RARB: variants seen among roughly 807,000 people sequenced by gnomAD.
RARB encodes HBV-activated protein.
In RARB, 17 loss-of-function variants were observed where a neutral mutation model predicts 51.9. The ratio of observed to expected loss-of-function variants is 0.33; its 90% CI spans 0.22 to 0.49. RARB has a LOEUF of 0.49. Ranked by LOEUF, RARB falls within the 20% of genes least tolerant of loss-of-function variation. The probability of loss-of-function intolerance (pLI) is 0.99; values close to 1 mark genes in which losing one functional copy is unlikely to be tolerated. For missense variants in RARB, 369 were observed against 550.8 expected, an observed-to-expected ratio of 0.67 and a Z score of 3.30; for synonymous variants, 215 against 195.4, an observed-to-expected ratio of 1.10 and a Z score of -0.84.
chr3:25,090,143 G>A (rs549486283), intron 3 of RARB, among the ~76,000 whole-genome samples: 1 of 152,296 alleles, frequency 6.6e-6, no homozygotes, highest in South Asian at 2.1e-4. Context: ...TTTCCTTGAA[G>A]GAGGTGAGAG....
chr3:25,454,484 C>A (rs1248245251), intron 1 of RARB, among the ~76,000 whole-genome samples: 1 of 152,204 alleles, frequency 6.6e-6, no homozygotes, highest in Admixed American at 6.5e-5. Context: ...CAGGAAATGT[C>A]TTTTGCTTTA....
chr3:25,269,966 C>T (rs551786237), intron 5 of RARB, among the ~76,000 whole-genome samples: 18 of 152,144 alleles, frequency 1.2e-4, no homozygotes, highest in Admixed American at 4.6e-4. Flanking sequence ...GATACCACCG[C>T]GTACCATTTA....
chr3:25,460,112 C>G (rs2125553860), intron 1 of RARB, among the ~76,000 whole-genome samples: 1 of 152,284 alleles, frequency 6.6e-6, no homozygotes, highest in South Asian at 2.1e-4. Flanking sequence ...AATCGCACCA[C>G]TCTGTGTCAT....
chr3:25,505,054 C>A (rs2125611752), intron 3 of RARB, among the ~76,000 whole-genome samples: 1 of 152,280 alleles, frequency 6.6e-6, no homozygotes, highest in East Asian at 1.9e-4. Flanking sequence ...GCTGGGATTA[C>A]AGGCGTGAGC....
chr3:25,428,970 T>G lies in RARB; in HGVS notation c.157+82T>G. 2.1e-6 allele frequency: 3 copies of G among 1,434,484 alleles called. No homozygotes were observed. The South Asian group carries it at 4.2e-5, about 20-fold the overall frequency. The allele number at this position is 1,434,484 out of a possible 1,614,324, so 88.9% of individuals were successfully genotyped here. A position where few individuals can be genotyped will look rare whatever the true frequency, so the allele number is the denominator to read the frequency against. ...TGCAATAAAGACGTTGGAAATAAAC[T>G]GCATTGGTAGCAAGACAAAGGATTT... On this transcript the variant is annotated intron_variant, in intron 1 of 7. Coordinates refer to ENST00000330688, the MANE Select transcript of RARB (RefSeq NM_000965.5).
At chr3:25,495,692 A>C (rs992184257) in intron 2 of RARB, among the ~76,000 whole-genome samples, 3 of 152,248 alleles carry the variant, frequency 2.0e-5, no homozygotes, top group African/African-American at 4.8e-5. Flanking sequence ...CCACGGTTAG[A>C]AAATGCTTGA....
chr3:25,138,608 A>G (rs1700066704), intron 4 of RARB, among the ~76,000 whole-genome samples: 1 of 152,124 alleles, frequency 6.6e-6, no homozygotes, highest in South Asian at 2.1e-4. Context: ...GGAAAAGAAA[A>G]TCAAGGTGGA....
intron 3 of RARB, among the ~76,000 whole-genome samples, chr3:25,110,614 T>A (rs1309856043): frequency 6.6e-6 from 1 of 152,214 alleles, no homozygotes; most frequent in Non-Finnish European, 1.5e-5. Flanking sequence ...TTTAGTTTAG[T>A]CCTGTAGCTA....
intron 5 of RARB, among the ~76,000 whole-genome samples, chr3:25,180,292 G>A (rs531805349): frequency 6.6e-5 from 10 of 152,138 alleles, no homozygotes; most frequent in Non-Finnish European, 8.8e-5. Flanking sequence ...AATTCCTTTC[G>A]ATAAAGACAT....
At chr3:25,401,230 G>A (rs1370772171) in intron 5 of RARB, among the ~76,000 whole-genome samples, 3 of 152,170 alleles carry the variant, frequency 2.0e-5, no homozygotes, top group Non-Finnish European at 4.4e-5. Context: ...GACCTGGGCT[G>A]AGAAAGACGA....
At chr3:24,834,427 A>G (rs768914852) in intron 1 of RARB, among the ~76,000 whole-genome samples, 23 of 152,238 alleles carry the variant, frequency 1.5e-4, no homozygotes, top group African/African-American at 5.5e-4. Context: ...AATGTTGTAT[A>G]CAGATTTTTT....
At chr3:25,147,796 T>C (rs73048447) in intron 4 of RARB, among the ~76,000 whole-genome samples, 13,249 of 152,282 alleles carry the variant, frequency 0.087, 733 homozygotes, top group Non-Finnish European at 0.13. Flanking sequence ...TGTGACATGG[T>C]TCTAGCCAAT....
At chr3:24,958,727 T>A (rs1443875446) in intron 2 of RARB, among the ~76,000 whole-genome samples, 1 of 152,228 alleles carries the variant, frequency 6.6e-6, no homozygotes, top group Non-Finnish European at 1.5e-5. Flanking sequence ...GATTTGTTAA[T>A]CAGATGTTTC....
chr3:25,279,200 A>G (rs1703463246), intron 5 of RARB, among the ~76,000 whole-genome samples: 3 of 152,202 alleles, frequency 2.0e-5, no homozygotes, highest in Non-Finnish European at 2.9e-5. Flanking sequence ...CCAGGGACAT[A>G]TTATTGTAAA....
intron 2 of RARB, among the ~76,000 whole-genome samples, chr3:24,913,907 A>C (rs990014991): frequency 6.6e-6 from 1 of 152,230 alleles, no homozygotes; most frequent in Non-Finnish European, 1.5e-5. Flanking sequence ...TATTAGAAAC[A>C]GACTAATTTT....
chr3:25,374,091 GC>G (rs1473875139), intron 5 of RARB, among the ~76,000 whole-genome samples: 1 of 152,112 alleles, frequency 6.6e-6, no homozygotes, highest in African/African-American at 2.4e-5. Flanking sequence ...ACCTCCAGAG[GC>G]CCAAGAGTCA....
At chr3:25,345,664 C>CAAA (rs71061207) in intron 5 of RARB, among the ~76,000 whole-genome samples, 91 of 96,408 alleles carry the variant, frequency 9.4e-4, no homozygotes, top group Middle Eastern at 0.011. Context: ...GACTCCGTCT[C>CAAA]AAAAAAAAAA....
chr3:25,405,542 A>T (rs1165975557), intron 5 of RARB, among the ~76,000 whole-genome samples: 2 of 152,210 alleles, frequency 1.3e-5, no homozygotes, highest in African/African-American at 2.4e-5. Flanking sequence ...ATGTACAGAG[A>T]TAAAACCATT....
intron 5 of RARB, among the ~76,000 whole-genome samples, chr3:25,280,054 T>G (rs1027668514): frequency 3.9e-5 from 6 of 152,128 alleles, no homozygotes; most frequent in Admixed American, 1.3e-4. Flanking sequence ...TACAAATTCA[T>G]TTAATATAAA....
Sources: gnomAD v4.1 joint callset for allele counts (sites outside exome capture counted in the v4.1 genomes callset) on GRCh38, gnomAD v4.1.1 for gene constraint, MANE v1.5 for transcripts, NCBI Gene and HGNC (gene_info 2026-07-23, HGNC 2026-07-21) for gene names.